ATXN3: variants seen among roughly 807,000 people sequenced by gnomAD.
The protein encoded by ATXN3 is ataxin-3.
In ATXN3, 28 loss-of-function variants were observed where a neutral mutation model predicts 58.2. The observed-to-expected ratio is 0.48, with a 90% CI of 0.36 to 0.66. The LOEUF (loss-of-function observed/expected upper bound fraction) is 0.66. ATXN3 is among the 30% of genes least tolerant of loss of function. ATXN3 has a pLI of 0.00. For synonymous variants in ATXN3, 113 were observed against 138.5 expected, an observed-to-expected ratio of 0.82 and a Z score of 1.29; for missense variants, 321 against 422.1, an observed-to-expected ratio of 0.76 and a Z score of 2.10.
intron 3 of ATXN3, among the ~76,000 whole-genome samples, 165 bp downstream of exon 3, chr14:92,095,928 C>A (rs914534665): frequency 6.6e-6 from 1 of 151,592 alleles, no homozygotes; most frequent in Non-Finnish European, 1.5e-5. Context: ...GGTGACAGAA[C>A]GAGACTCTGT....
In ATXN3 at chr14:92,082,462, G is replaced by C. The variant is rs2061628691; in HGVS notation, c.613C>G (p.His205Asp). ...AACACTCGTTCCAGGTCTGTTTTAT[G>C]GACTCTAAAGAACAAAAGCACTGGT... ...ELAQLKEQRV[H>D]KTDLERVLEA... The change falls in exon 8 of 11, where the codon CAT becomes GAT. Residue 205 changes from histidine (H) to aspartate (D), a missense_variant. Physicochemically the swap from His to Asp is moderately conservative, Grantham distance 81. This residue lies in a region of ATXN3 where 200 missense variants were observed against 223.2 expected (regional missense o/e 0.90). Transcript: ENST00000644486. 1 of 1,612,338 alleles carries C rather than the reference G, an allele frequency of 6.2e-7. No individual in the cohort carries two copies. The highest frequency in any genetic ancestry group is 8.5e-7 in the Non-Finnish European group (1 of 1,179,056).
rs1222665226 is a variant in ATXN3, at chr14:92,096,829, A to G, written c.34T>C (p.Ser12Pro). 6.2e-7 allele frequency: 1 copy of G among 1,613,662 alleles called. No homozygotes were observed. Among genetic ancestry groups the G allele is most frequent in the Non-Finnish European group, 8.5e-7 (1 of 1,179,744 alleles). Residue 12 changes from serine (S) to proline (P), a missense_variant, in exon 2 of 11, where the codon TCA becomes CCA. Physicochemically the swap from Ser to Pro is moderately conservative, Grantham distance 74. Transcript: ENST00000644486. Reference sequence around the variant, plus strand: ...TTCAGGCAATGTTGAGCACAAAGTGAGCCTTCTTGCTAATATTTCCAAAAG... The same window carrying G: ...TTCAGGCAATGTTGAGCACAAAGTGGGCCTTCTTGCTAATATTTCCAAAAG... ...ESIFHEKQEG[S>P]LCAQHCLNNL...
In ATXN3 at chr14:92,082,415, T is replaced by A. The variant is rs891248894; in HGVS notation, c.660A>T (p.Gly220=). 10 of 1,614,028 alleles carry A rather than the reference T, an allele frequency of 6.2e-6. No individual in the cohort carries two copies. Among genetic ancestry groups the A allele is most frequent in the Admixed American group, 3.3e-5 (2 of 59,990 alleles). The stretch of plus-strand genomic sequence containing the variant: ...AATCCTCCTCATCTTCGTCTAACAT[T>A]CCTGAGCCATCATTTGCTTCTAACA... ...ERVLEANDGS[G]MLDEDEEDLQ... is the part of the protein sequence containing the mutation. Residue 220 remains glycine, a synonymous_variant, in exon 8 of 11, where the codon GGA becomes GGT. Transcript: ENST00000644486.
intron 9 of ATXN3, among the ~76,000 whole-genome samples, chr14:92,074,493 T>C (rs961861294): frequency 6.6e-5 from 10 of 152,198 alleles, no homozygotes; most frequent in Non-Finnish European, 1.5e-4. Context: ...GCAATTGTGG[T>C]GGCAGCTTTC....
intron 9 of ATXN3, among the ~76,000 whole-genome samples, chr14:92,072,756 A>T (rs974289594): frequency 3.2e-4 from 24 of 74,370 alleles, no homozygotes; most frequent in South Asian, 2.0e-3. Context: ...TCAAGTGTTT[A>T]AAAAAAAAAG....
At position 92,083,491 on chromosome 14, in the gene ATXN3, T is replaced by A. The variant is rs949057905; in HGVS notation, c.476-233A>T. The A allele has an allele frequency of 6.3e-6, 4 of 633,678 alleles. No individual in the cohort carries two copies. In the African/African-American group the frequency reaches 7.2e-5, roughly 11 times the overall value. The allele number at this position is 633,678 out of a possible 1,614,324, so 39.3% of individuals were successfully genotyped here. On this transcript the variant is annotated intron_variant, in intron 6 of 10. Coordinates refer to ENST00000644486, the MANE Select transcript of ATXN3 (RefSeq NM_004993.6). ...CTCCATTGTAAGACTGGAAGAGCCG[T>A]CTCATTGAGTGACTGTGAGAAATAA...
chr14:92,093,242 G>A lies in ATXN3; in HGVS notation c.387+10C>T, dbSNP rs2064308808. ...AAGAAAAAAAGACAAGGAAGGGTAA[G>A]AAATGTTACCTGTTTTCCTAATTTT... is the stretch of plus-strand genomic sequence containing the variant. On this transcript the variant is annotated intron_variant, in intron 5 of 10. Coordinates refer to ENST00000644486, the MANE Select transcript of ATXN3 (RefSeq NM_004993.6). 1 of 1,485,860 alleles carries A rather than the reference G, an allele frequency of 6.7e-7. No homozygotes were observed. The highest frequency in any genetic ancestry group is 9.3e-7 in the Non-Finnish European group (1 of 1,075,172). 92.0% of individuals were successfully genotyped at this position (1,485,860 alleles called of 1,614,324 possible).
chr14:92,054,549 C>G (rs1453770103), downstream of ATXN3, among the ~76,000 whole-genome samples: 1 of 152,180 alleles, frequency 6.6e-6, no homozygotes, highest in Non-Finnish European at 1.5e-5. Context: ...ATGAATAATC[C>G]ACCCCTTGTT....
upstream of ATXN3, among the ~76,000 whole-genome samples, chr14:92,050,873 C>A (rs779500399): frequency 7.2e-5 from 11 of 152,184 alleles, no homozygotes; most frequent in Non-Finnish European, 1.3e-4. Flanking sequence ...CTTGGCCTCC[C>A]AAAGTGCTAA....
chr14:92,073,958 C>T (rs113799332), intron 9 of ATXN3, among the ~76,000 whole-genome samples: 1,735 of 142,164 alleles, frequency 0.012, 36 homozygotes, highest in African/African-American at 0.041. Context: ...GGTTGCAATG[C>T]GCCAAGATTG....
chr14:92,094,526 CA>C (rs1429514085), intron 3 of ATXN3, among the ~76,000 whole-genome samples: 3 of 152,116 alleles, frequency 2.0e-5, no homozygotes, highest in Non-Finnish European at 4.4e-5. Context: ...TCATATCTAC[CA>C]AAATAAGTTC....
chr14:92,089,491 G>A (rs1190883738), intron 5 of ATXN3, among the ~76,000 whole-genome samples: 5 of 151,278 alleles, frequency 3.3e-5, no homozygotes, highest in Non-Finnish European at 5.9e-5. Context: ...GGCGCACGCC[G>A]CCACACCCAG....
At chr14:92,075,133 A>C (rs1456498943) in intron 9 of ATXN3, among the ~76,000 whole-genome samples, 1 of 151,246 alleles carries the variant, frequency 6.6e-6, no homozygotes, top group African/African-American at 2.4e-5. Context: ...AATGACTCAT[A>C]AATTATGAAT....
chr14:92,089,958 C>A (rs1000302050), intron 5 of ATXN3, among the ~76,000 whole-genome samples: 1 of 152,122 alleles, frequency 6.6e-6, no homozygotes, highest in Non-Finnish European at 1.5e-5. Flanking sequence ...GCTGGGCATG[C>A]AGCTCATGCC....
intron 1 of ATXN3, among the ~76,000 whole-genome samples, chr14:92,101,374 ATAACT>A (rs1168319887): frequency 2.0e-5 from 3 of 152,192 alleles, no homozygotes; most frequent in Non-Finnish European, 2.9e-5. Context: ...AAAAATAAAC[ATAACT>A]TAAGTCATAG....
At chr14:92,051,971 C>T (rs2057450375), upstream of ATXN3, among the ~76,000 whole-genome samples, 1 of 151,334 alleles carries the variant, frequency 6.6e-6, no homozygotes, top group East Asian at 2.0e-4. Context: ...ATGATGCACC[C>T]GCCTTGGCCT....
chr14:92,071,414 G>A (rs576107821), intron 9 of ATXN3, among the ~76,000 whole-genome samples: 5 of 152,032 alleles, frequency 3.3e-5, no homozygotes, highest in East Asian at 1.9e-4. Context: ...TGGACAACAC[G>A]GTGAAACCCC....
At position 92,096,837 on chromosome 14, in the gene ATXN3, T is replaced by C. The variant is rs778221475; in HGVS notation, c.26A>G (p.Gln9Arg). Reference protein sequence around the residue: MESIFHEKQEGSLCAQHCL... With the variant: MESIFHEKREGSLCAQHCL... The stretch of plus-strand genomic sequence containing the variant: ...ATGTTGAGCACAAAGTGAGCCTTCT[T>C]GCTAATATTTCCAAAAGAAAAAATT... The change falls in exon 2 of 11, where the codon CAA becomes CGA. Residue 9 changes from glutamine to arginine, a missense_variant and splice_region_variant. Gln to Arg is a conservative substitution (Grantham distance 43). Transcript: ENST00000644486. 7 of 1,613,184 alleles carry C rather than the reference T, an allele frequency of 4.3e-6. No individual in the cohort carries two copies. Among genetic ancestry groups the C allele is most frequent in the Non-Finnish European group, 5.1e-6 (6 of 1,179,450 alleles).
At chr14:92,106,051 T>G (rs1314104893) in intron 1 of ATXN3, among the ~76,000 whole-genome samples, 1 of 151,986 alleles carries the variant, frequency 6.6e-6, no homozygotes, top group East Asian at 1.9e-4. Context: ...CCCAAAGATC[T>G]ACGTGTAGGG....
Sources: gnomAD v4.1 joint callset for allele counts (sites outside exome capture counted in the v4.1 genomes callset) on GRCh38, gnomAD v4.1.1 for gene constraint, gnomAD v4.1.1 regional missense constraint, MANE v1.5 for transcripts, NCBI Gene and HGNC (gene_info 2026-07-23, HGNC 2026-07-21) for gene names.